CADPS2: variants seen among roughly 807,000 people sequenced by gnomAD.
CADPS2 encodes calcium dependent secretion activator 2.
Under a neutral mutation model 172.5 loss-of-function variants are expected in CADPS2, and 93 were observed. The ratio of observed to expected loss-of-function variants is 0.54; its 90% CI spans 0.46 to 0.64. The LOEUF (loss-of-function observed/expected upper bound fraction) is 0.64. CADPS2 is among the 30% of genes least tolerant of loss of function. The pLI, the probability that CADPS2 is intolerant of heterozygous loss-of-function variation, is 0.00. For synonymous variants in CADPS2, 546 were observed against 555.2 expected (o/e 0.98, Z 0.23); for missense variants, 1,420 against 1,565.9 (o/e 0.91, Z 1.57).
At chr7:122,647,952 A>G (rs779140429) in intron 3 of CADPS2, among the ~76,000 whole-genome samples, 15 of 152,082 alleles carry the variant, frequency 9.9e-5, no homozygotes, top group Non-Finnish European at 1.9e-4. Context: ...CATCTTAACT[A>G]TTTCCTTACC....
intron 25 of CADPS2, chr7:122,369,737 T>C (rs1258889087): frequency 6.6e-6 from 1 of 152,254 alleles, no homozygotes; most frequent in Admixed American, 6.5e-5. Flanking sequence ...GGAATGATAC[T>C]AACATTCAGG....
At chr7:122,473,209 T>C (rs2056202146) in intron 13 of CADPS2, among the ~76,000 whole-genome samples, 1 of 152,214 alleles carries the variant, frequency 6.6e-6, no homozygotes, top group Admixed American at 6.5e-5. Context: ...GGTGGCCAAC[T>C]GTTCAAACTG....
chr7:122,483,086 T>A (rs1012115469), intron 11 of CADPS2, among the ~76,000 whole-genome samples: 3 of 152,178 alleles, frequency 2.0e-5, no homozygotes, highest in Admixed American at 2.0e-4. Flanking sequence ...TAAACACTGC[T>A]TGGTCTTCCC....
intron 1 of CADPS2, chr7:122,850,173 C>A: frequency 8.9e-7 from 1 of 1,118,618 alleles, no homozygotes. Context: ...TCCCACACAA[C>A]TAAGCCCATG....
chr7:122,484,098 T>C (rs1051340185), intron 11 of CADPS2, among the ~76,000 whole-genome samples: 5 of 152,166 alleles, frequency 3.3e-5, no homozygotes, highest in African/African-American at 4.8e-5. Context: ...AATGTCAAGA[T>C]GTTTTAAAAA....
chr7:122,858,880 GA>G (rs1432709688), intron 1 of CADPS2, among the ~76,000 whole-genome samples: 2 of 151,752 alleles, frequency 1.3e-5, no homozygotes, highest in East Asian at 1.9e-4. Context: ...TCTTTAATGA[GA>G]AAAAAAATAA....
intron 11 of CADPS2, among the ~76,000 whole-genome samples, chr7:122,482,769 A>G (rs1411185883): frequency 6.6e-6 from 1 of 152,142 alleles, no homozygotes; most frequent in South Asian, 2.1e-4. Context: ...CTGACAGTTC[A>G]GAAGGGTGAT....
At chr7:122,619,764 C>G (rs2075367721) in intron 5 of CADPS2, among the ~76,000 whole-genome samples, 1 of 152,140 alleles carries the variant, frequency 6.6e-6, no homozygotes, top group Admixed American at 6.6e-5. Context: ...AGATCTGAGA[C>G]AGGAATAATG....
intron 2 of CADPS2, among the ~76,000 whole-genome samples, chr7:122,710,563 TTC>T (rs1011520440): frequency 3.3e-5 from 5 of 152,076 alleles, no homozygotes; most frequent in African/African-American, 1.2e-4. Flanking sequence ...CATATTTCAC[TTC>T]TGTTTGTAAA....
intron 3 of CADPS2, among the ~76,000 whole-genome samples, chr7:122,633,778 CA>C (rs1209951550): frequency 6.6e-6 from 1 of 152,106 alleles, no homozygotes; most frequent in East Asian, 1.9e-4. Context: ...TTCCAGTTCT[CA>C]AGGGGAATAG....
At chr7:122,729,809 C>T (rs1428582345) in intron 2 of CADPS2, among the ~76,000 whole-genome samples, 1 of 150,378 alleles carries the variant, frequency 6.6e-6, no homozygotes, top group Non-Finnish European at 1.5e-5. Context: ...CCAACATAAT[C>T]AGCTCTTGAG....
chr7:122,577,312 A>C (rs1452255335), intron 7 of CADPS2, among the ~76,000 whole-genome samples: 2 of 152,124 alleles, frequency 1.3e-5, no homozygotes, highest in Admixed American at 1.3e-4. Context: ...CCTTCACTCT[A>C]AAAGTCCCCT....
intron 8 of CADPS2, among the ~76,000 whole-genome samples, chr7:122,529,398 C>T (rs180757211): frequency 4.6e-5 from 7 of 152,124 alleles, no homozygotes; most frequent in Admixed American, 2.0e-4. Flanking sequence ...AAAAAGTATA[C>T]CCATCCCTAA....
intron 9 of CADPS2, among the ~76,000 whole-genome samples, chr7:122,512,506 T>A (rs1300214358): frequency 6.6e-6 from 1 of 152,098 alleles, no homozygotes; most frequent in Non-Finnish European, 1.5e-5. Context: ...AGCAAAGTTA[T>A]CCATGACTAC....
intron 28 of CADPS2, among the ~76,000 whole-genome samples, chr7:122,336,395 C>T (rs1382138637): frequency 6.6e-6 from 1 of 152,180 alleles, no homozygotes; most frequent in Non-Finnish European, 1.5e-5. Flanking sequence ...TCTATGAAAA[C>T]ATTGCAGTGA....
intron 2 of CADPS2, among the ~76,000 whole-genome samples, chr7:122,686,353 AT>A (rs2083622189): frequency 1.3e-5 from 2 of 152,184 alleles, no homozygotes; most frequent in Non-Finnish European, 2.9e-5. Context: ...TGTATCTTGT[AT>A]TAATGTAGTA....
chr7:122,883,398 A>G (rs1449849022), intron 1 of CADPS2, among the ~76,000 whole-genome samples: 1 of 152,228 alleles, frequency 6.6e-6, no homozygotes, highest in East Asian at 1.9e-4. Flanking sequence ...GTGAGTAAGC[A>G]GCAATATTCA....
intron 1 of CADPS2, among the ~76,000 whole-genome samples, chr7:122,884,468 G>T (rs1823765267): frequency 6.6e-6 from 1 of 152,180 alleles, no homozygotes; most frequent in African/African-American, 2.4e-5. Context: ...ATTTGTTTGG[G>T]ATTGGGAAAT....
chr7:122,874,502 T>C (rs897054058), intron 1 of CADPS2, among the ~76,000 whole-genome samples: 3 of 152,156 alleles, frequency 2.0e-5, no homozygotes, highest in South Asian at 4.1e-4. Flanking sequence ...CAAGCTACCA[T>C]TGACTTTCTT....
Sources: gnomAD v4.1 joint callset for allele counts (sites outside exome capture counted in the v4.1 genomes callset) on GRCh38, gnomAD v4.1.1 for gene constraint, MANE v1.5 for transcripts, NCBI Gene and HGNC (gene_info 2026-07-23, HGNC 2026-07-21) for gene names.